LRRC4C: variants seen among roughly 807,000 people sequenced by gnomAD.
The protein encoded by LRRC4C is leucine-rich repeat-containing protein 4C.
Under a neutral mutation model 33.6 loss-of-function variants are expected in LRRC4C, and 5 were observed. That is an observed-to-expected ratio of 0.15 (90% CI 0.08 to 0.31). The LOEUF (loss-of-function observed/expected upper bound fraction) is 0.31, where lower values mean the gene tolerates loss of function less well. LRRC4C is among the 10% of genes least tolerant of loss of function. The pLI is 1.00. For synonymous variants in LRRC4C, 329 were observed against 302.0 expected (o/e 1.09, Z -0.93); for missense variants, 560 against 796.7 (o/e 0.70, Z 3.58).
At chr11:40,328,034 TGAGA>T (rs1273827313) in intron 3 of LRRC4C, among the ~76,000 whole-genome samples, 2 of 152,134 alleles carry the variant, frequency 1.3e-5, no homozygotes, top group African/African-American at 2.4e-5. Flanking sequence ...CCACAGACAG[TGAGA>T]GAGTTTGTAG....
At chr11:40,120,054 C>T (rs1401417119) in intron 6 of LRRC4C, among the ~76,000 whole-genome samples, 4 of 152,208 alleles carry the variant, frequency 2.6e-5, no homozygotes, top group African/African-American at 7.2e-5. Flanking sequence ...CTGGCTGCTC[C>T]CTACTGGCTG....
At chr11:41,207,107 A>G (rs1284223500) in intron 1 of LRRC4C, among the ~76,000 whole-genome samples, 5 of 152,164 alleles carry the variant, frequency 3.3e-5, no homozygotes, top group Non-Finnish European at 7.4e-5. Flanking sequence ...TCTTCCCAAA[A>G]GGATCCACAA....
At chr11:40,722,141 G>C (rs188137187) in intron 2 of LRRC4C, among the ~76,000 whole-genome samples, 76 of 152,276 alleles carry the variant, frequency 5.0e-4, no homozygotes, top group Admixed American at 1.9e-3. Context: ...GTGTGCACTT[G>C]TATGTATGTG....
chr11:41,145,036 T>C (rs193046303), intron 1 of LRRC4C, among the ~76,000 whole-genome samples: 78 of 152,296 alleles, frequency 5.1e-4, no homozygotes, highest in Admixed American at 4.3e-3. Context: ...ATAATAACAT[T>C]GTTCACATAA....
chr11:40,419,617 G>C (rs2137725416), intron 3 of LRRC4C, among the ~76,000 whole-genome samples: 1 of 152,274 alleles, frequency 6.6e-6, no homozygotes, highest in East Asian at 1.9e-4. Context: ...ACTAAGAAAA[G>C]ATCACCAGAA....
chr11:41,252,402 T>C (rs537980723), intron 1 of LRRC4C, among the ~76,000 whole-genome samples: 2 of 152,248 alleles, frequency 1.3e-5, no homozygotes, highest in South Asian at 4.1e-4. Context: ...GCTGGAAGCA[T>C]ATTTACAGCC....
chr11:40,815,433 C>T (rs1951667235), intron 2 of LRRC4C, among the ~76,000 whole-genome samples: 1 of 152,132 alleles, frequency 6.6e-6, no homozygotes, highest in Non-Finnish European at 1.5e-5. Flanking sequence ...AATACCCTTC[C>T]CTCAGACCTT....
chr11:41,071,849 G>C (rs1565356435), intron 1 of LRRC4C, among the ~76,000 whole-genome samples: 1 of 152,308 alleles, frequency 6.6e-6, no homozygotes, highest in South Asian at 2.1e-4. Flanking sequence ...CAACATGGCA[G>C]TATTAACAGA....
At chr11:40,914,872 T>A (rs1956874091) in intron 2 of LRRC4C, among the ~76,000 whole-genome samples, 1 of 152,128 alleles carries the variant, frequency 6.6e-6, no homozygotes, top group African/African-American at 2.4e-5. Context: ...AAAATCAATG[T>A]ACAAAAATCA....
intron 4 of LRRC4C, among the ~76,000 whole-genome samples, chr11:40,268,890 G>A (rs774370617): frequency 1.3e-5 from 2 of 152,098 alleles, no homozygotes; most frequent in African/African-American, 4.8e-5. Flanking sequence ...ACTGAGAACC[G>A]CCAGTCTAGA....
chr11:40,730,221 G>A (rs1947492368), intron 2 of LRRC4C, among the ~76,000 whole-genome samples: 1 of 151,962 alleles, frequency 6.6e-6, no homozygotes, highest in African/African-American at 2.4e-5. Context: ...CCTGCACACT[G>A]TGCACATGTA....
At chr11:40,651,979 G>T (rs532367538) in intron 2 of LRRC4C, among the ~76,000 whole-genome samples, 8 of 152,300 alleles carry the variant, frequency 5.3e-5, no homozygotes, top group African/African-American at 1.9e-4. Flanking sequence ...TGAGAGTTGT[G>T]ATTTTAACTT....
chr11:41,239,054 G>A (rs1004358681), intron 1 of LRRC4C, among the ~76,000 whole-genome samples: 1 of 150,554 alleles, frequency 6.6e-6, no homozygotes, highest in Non-Finnish European at 1.5e-5. Flanking sequence ...GGTGTCTCAC[G>A]TCTTTAATCC....
At chr11:40,462,220 T>A (rs1439394539) in intron 3 of LRRC4C, among the ~76,000 whole-genome samples, 3 of 152,206 alleles carry the variant, frequency 2.0e-5, no homozygotes, top group Admixed American at 2.0e-4. Context: ...TTCTTTCTAT[T>A]CATAACATAA....
intron 2 of LRRC4C, among the ~76,000 whole-genome samples, chr11:40,913,587 A>T (rs1319662560): frequency 1.3e-5 from 2 of 152,212 alleles, no homozygotes. Context: ...TGCCCACAAG[A>T]GAAAGCAGGA....
At chr11:40,694,089 C>A (rs1304469863) in intron 2 of LRRC4C, among the ~76,000 whole-genome samples, 2 of 152,138 alleles carry the variant, frequency 1.3e-5, no homozygotes, top group East Asian at 1.9e-4. Flanking sequence ...TTCTGAAGCT[C>A]TTTTCTGCCA....
At chr11:41,200,229 A>G (rs114687527) in intron 1 of LRRC4C, among the ~76,000 whole-genome samples, 57 of 152,274 alleles carry the variant, frequency 3.7e-4, no homozygotes, top group African/African-American at 1.2e-3. Flanking sequence ...TTGTCCCCAA[A>G]ACAATGGTGA....
chr11:40,750,750 T>A (rs200321643), intron 2 of LRRC4C, among the ~76,000 whole-genome samples: 1,816 of 149,934 alleles, frequency 0.012, 29 homozygotes, highest in South Asian at 0.039. Context: ...CATGTATACA[T>A]ATGTAACAAA....
intron 5 of LRRC4C, among the ~76,000 whole-genome samples, chr11:40,201,428 A>T (rs921378270): frequency 1.3e-5 from 2 of 152,182 alleles, no homozygotes; most frequent in Non-Finnish European, 2.9e-5. Context: ...AGGTACAGCA[A>T]CAAACTAAAC....
Sources: allele counts gnomAD v4.1 joint callset (sites outside exome capture counted in the v4.1 genomes callset), GRCh38; gene constraint gnomAD v4.1.1; transcripts MANE v1.5; gene names NCBI Gene and HGNC (gene_info 2026-07-23, HGNC 2026-07-21).